Variants in PRDM16 observed in about 807,000 individuals in gnomAD.
PRDM16 encodes PR/SET domain 16, also known as histone-lysine N-methyltransferase PRDM16.
A neutral mutation model predicts 110.6 loss-of-function variants in PRDM16; 23 were observed. The observed-to-expected ratio is 0.21, with a 90% CI of 0.15 to 0.29. The LOEUF (loss-of-function observed/expected upper bound fraction) is 0.29, where lower values mean the gene tolerates loss of function less well. PRDM16 is among the 10% of genes least tolerant of loss of function. The pLI is 1.00. For synonymous variants in PRDM16, 799 were observed against 781.8 expected, an observed-to-expected ratio of 1.02 and a Z score of -0.37; for missense variants, 1,615 against 1,794.3, an observed-to-expected ratio of 0.90 and a Z score of 1.81.
intron 12 of PRDM16, among the ~76,000 whole-genome samples, chr1:3,419,088 G>A (rs895894654): frequency 1.3e-5 from 2 of 152,180 alleles, no homozygotes; most frequent in African/African-American, 4.8e-5. Flanking sequence ...GGTCCACATG[G>A]GAGAAAACCT....
At chr1:3,332,815 A>G (rs543234863) in intron 3 of PRDM16, among the ~76,000 whole-genome samples, 4 of 151,406 alleles carry the variant, frequency 2.6e-5, no homozygotes, top group African/African-American at 9.7e-5. Context: ...GCAACTGCTG[A>G]CCCATCCCTG....
At chr1:3,325,132 G>T (rs2100469982) in intron 3 of PRDM16, among the ~76,000 whole-genome samples, 1 of 152,290 alleles carries the variant, frequency 6.6e-6, no homozygotes, top group East Asian at 1.9e-4. Context: ...CCTTTGGAGG[G>T]GTGACCCCCA....
chr1:3,244,162 C>G lies in PRDM16; in HGVS notation c.438+25C>G, dbSNP rs1468618611. 5.0e-6 allele frequency: 8 copies of G among 1,611,952 alleles called. No homozygotes were observed. Among genetic ancestry groups the G allele is most frequent in the Non-Finnish European group, 6.8e-6 (8 of 1,178,694 alleles). On this transcript the variant is annotated intron_variant, in intron 3 of 16. Coordinates refer to ENST00000270722, the MANE Select transcript of PRDM16 (RefSeq NM_022114.4). This position sits in a 1 kb window ranked among gnomAD's most constrained non-coding sequence, Gnocchi z 4.1. ...GGTAGGAGAGCTCGCCCTGCGCCGT[C>G]TCAGCTCCCCAGCGTCCTCGGAGCT...
intron 1 of PRDM16, among the ~76,000 whole-genome samples, chr1:3,138,770 C>A (rs1007401760): frequency 3.3e-5 from 5 of 152,226 alleles, no homozygotes; most frequent in Non-Finnish European, 7.3e-5. Flanking sequence ...CTCAGGGTCA[C>A]GTTGGTCATC....
intron 4 of PRDM16, among the ~76,000 whole-genome samples, chr1:3,392,036 C>T (rs117802017): frequency 0.013 from 1,988 of 152,294 alleles, 21 homozygotes; most frequent in South Asian, 0.037. Flanking sequence ...AAAATGAAGC[C>T]GGGAGCAGCA....
intron 3 of PRDM16, among the ~76,000 whole-genome samples, chr1:3,340,560 G>A (rs1642251382): frequency 6.6e-6 from 1 of 152,176 alleles, no homozygotes. Flanking sequence ...CCCCTGCACA[G>A]GGCTCCCTCC....
chr1:3,241,081 C>T (rs936126342), intron 2 of PRDM16, among the ~76,000 whole-genome samples: 4 of 152,204 alleles, frequency 2.6e-5, no homozygotes, highest in African/African-American at 9.6e-5. Flanking sequence ...CTGGGGGAGC[C>T]GGGGAGCGCG....
In PRDM16 at chr1:3,243,962, A is replaced by G; in HGVS notation, c.388-125A>G. Reference sequence around the variant, plus strand: ...TGGAACCCTTCATTTCCTGCTGTGGAGAAGCCACTGGGTCCCACCCTGTGA... The same window carrying G: ...TGGAACCCTTCATTTCCTGCTGTGGGGAAGCCACTGGGTCCCACCCTGTGA... On this transcript the variant is annotated intron_variant, in intron 2 of 16. Coordinates refer to ENST00000270722, the MANE Select transcript of PRDM16 (RefSeq NM_022114.4). The surrounding 1 kb of genome is among the most constrained non-coding windows in gnomAD (Gnocchi z 5.5). The G allele has an allele frequency of 3.4e-6, 3 of 874,778 alleles. No homozygotes were observed. The highest frequency in any genetic ancestry group is 1.5e-5 in the South Asian group (1 of 68,906). 54.2% of individuals were successfully genotyped at this position (874,778 alleles called of 1,614,324 possible). A position where few individuals can be genotyped will look rare whatever the true frequency, so the allele number is the denominator to read the frequency against.
chr1:3,164,436 C>A (rs4648366), intron 1 of PRDM16, among the ~76,000 whole-genome samples: 36 of 152,338 alleles, frequency 2.4e-4, no homozygotes, highest in Middle Eastern at 3.4e-3. Context: ...GCGGGGGACC[C>A]TGCCAGGAGG....
Position 3,301,655 on chromosome 1 carries a change from G to C in PRDM16, c.438+57518G>C, listed in dbSNP as rs80038294. Among the ~76,000 whole-genome samples the C allele has an allele frequency of 1.6e-3, 240 of 150,996 alleles. 6 individuals are homozygous for C. In the East Asian group the frequency reaches 0.039, roughly 24 times the overall value. On this transcript the variant is annotated intron_variant, in intron 3 of 16. Coordinates refer to ENST00000270722, the MANE Select transcript of PRDM16 (RefSeq NM_022114.4). ...CGAAAAACGTCCGGTGGGCAGGACA[G>C]GGGATAGAGAAGGTCTGGCCAGAAA... is the stretch of plus-strand genomic sequence containing the variant.
chr1:3,369,225 C>T (rs1298457471), intron 3 of PRDM16, among the ~76,000 whole-genome samples: 1 of 152,180 alleles, frequency 6.6e-6, no homozygotes, highest in Non-Finnish European at 1.5e-5. Context: ...ATTTGTCATT[C>T]AAAACTGACT....
rs926507422 is a variant in PRDM16, at chr1:3,364,036, G to A, written c.439-21116G>A. Among the ~76,000 whole-genome samples the A allele has an allele frequency of 5.3e-5, 8 of 152,084 alleles. No homozygotes were observed. In the South Asian group the frequency reaches 1.3e-3, roughly 24 times the overall value. On this transcript the variant is annotated intron_variant, in intron 3 of 16. Coordinates refer to ENST00000270722, the MANE Select transcript of PRDM16 (RefSeq NM_022114.4). ...AGTTCCCTCATTTTGTCTGCGGGGG[G>A]GAAGTTCACATGCCTCCCCCGCATC...
intron 1 of PRDM16, among the ~76,000 whole-genome samples, chr1:3,101,221 C>G (rs1642525470): frequency 6.6e-6 from 1 of 152,186 alleles, no homozygotes; most frequent in African/African-American, 2.4e-5. Context: ...GACGAGCAAA[C>G]ACTCTTCCCG....
intron 1 of PRDM16, among the ~76,000 whole-genome samples, chr1:3,139,899 G>A (rs182008963): frequency 3.3e-5 from 5 of 152,314 alleles, no homozygotes; most frequent in Non-Finnish European, 5.9e-5. Flanking sequence ...CTGTCCCCTC[G>A]CCGGGCTCTG....
chr1:3,153,474 G>A (rs1440527351), intron 1 of PRDM16, among the ~76,000 whole-genome samples: 2 of 152,234 alleles, frequency 1.3e-5, no homozygotes, highest in African/African-American at 2.4e-5. Flanking sequence ...GCTCCCCACA[G>A]CGCGGTCCCC....
chr1:3,224,403 G>A (rs942279592), intron 2 of PRDM16, among the ~76,000 whole-genome samples: 10 of 152,088 alleles, frequency 6.6e-5, no homozygotes, highest in Admixed American at 3.3e-4. Flanking sequence ...TGGAGGCCCC[G>A]GTGCGCCCCT....
chr1:3,378,593 C>T (rs1037427260), intron 3 of PRDM16, among the ~76,000 whole-genome samples: 7 of 152,098 alleles, frequency 4.6e-5, no homozygotes, highest in African/African-American at 1.2e-4. Context: ...GCAGCAACAC[C>T]GTACCCACCT....
intron 2 of PRDM16, among the ~76,000 whole-genome samples, chr1:3,187,375 T>A (rs1281198995): frequency 1.3e-5 from 2 of 152,176 alleles, no homozygotes; most frequent in African/African-American, 2.4e-5. Context: ...AGTGCCCGGA[T>A]GGAGGTGGGC....
At chr1:3,172,415 G>A (rs532367407) in intron 1 of PRDM16, among the ~76,000 whole-genome samples, 2 of 152,216 alleles carry the variant, frequency 1.3e-5, no homozygotes, top group African/African-American at 4.8e-5. Context: ...CAGGAGCCTC[G>A]TTTCACTTGG....
Sources: gnomAD v4.1 joint callset for allele counts (sites outside exome capture counted in the v4.1 genomes callset) on GRCh38, gnomAD v4.1.1 for gene constraint, Gnocchi (gnomAD v3.1) non-coding constraint, MANE v1.5 for transcripts, NCBI Gene and HGNC (gene_info 2026-07-23, HGNC 2026-07-21) for gene names.